The following NAALADL2 variants were observed in gnomAD, a reference collection of about 807,000 sequenced individuals.
NAALADL2 encodes the protein inactive N-acetylated-alpha-linked acidic dipeptidase-like protein 2.
In NAALADL2, 76 loss-of-function variants were observed where a neutral mutation model predicts 87.2. The ratio of observed to expected loss-of-function variants is 0.87; its 90% CI spans 0.72 to 1.05. The LOEUF (loss-of-function observed/expected upper bound fraction) is 1.05. NAALADL2 is among the 50% of genes least tolerant of loss of function. The pLI, the probability that NAALADL2 is intolerant of heterozygous loss-of-function variation, is 0.00. For synonymous variants in NAALADL2, 354 were observed against 331.0 expected, an observed-to-expected ratio of 1.07 and a Z score of -0.75; for missense variants, 1,089 against 945.8, an observed-to-expected ratio of 1.15 and a Z score of -1.99.
intron 3 of NAALADL2, among the ~76,000 whole-genome samples, chr3:174,807,343 C>A (rs374857233): frequency 9.9e-5 from 15 of 152,070 alleles, no homozygotes; most frequent in African/African-American, 3.6e-4. Flanking sequence ...GTAGGACTTA[C>A]ATTTGTTAGT....
chr3:175,589,128 A>C (rs1204552516), intron 10 of NAALADL2, among the ~76,000 whole-genome samples: 1 of 152,194 alleles, frequency 6.6e-6, no homozygotes, highest in Non-Finnish European at 1.5e-5. Flanking sequence ...AGTAGAAAGA[A>C]AGAAGGGAGT....
intron 4 of NAALADL2, among the ~76,000 whole-genome samples, chr3:175,260,394 T>C (rs1424407203): frequency 1.3e-5 from 2 of 152,180 alleles, no homozygotes; most frequent in Non-Finnish European, 2.9e-5. Flanking sequence ...ATCTCTTCTG[T>C]TTTCTGTGGA....
intron 11 of NAALADL2, among the ~76,000 whole-genome samples, chr3:175,632,711 G>A (rs1378787946): frequency 1.3e-5 from 2 of 151,962 alleles, no homozygotes; most frequent in East Asian, 3.9e-4. Flanking sequence ...GGCTAGTTTG[G>A]AGAAAGCGAT....
intron 1 of NAALADL2, among the ~76,000 whole-genome samples, chr3:175,074,986 TAGAG>T (rs1716335281): frequency 6.6e-6 from 1 of 151,976 alleles, no homozygotes; most frequent in Admixed American, 6.6e-5. Context: ...AAATAGGTGT[TAGAG>T]AGATACGTAA....
chr3:174,884,326 G>A (rs1257548436), intron 1 of NAALADL2, among the ~76,000 whole-genome samples: 1 of 152,150 alleles, frequency 6.6e-6, no homozygotes, highest in African/African-American at 2.4e-5. Context: ...AGAACTTTGT[G>A]TCCCAGCCCT....
At chr3:175,071,588 A>T (rs1715651053) in intron 1 of NAALADL2, among the ~76,000 whole-genome samples, 1 of 152,032 alleles carries the variant, frequency 6.6e-6, no homozygotes, top group African/African-American at 2.4e-5. Flanking sequence ...CATGCTGAAC[A>T]TGCTTGATAA....
intron 9 of NAALADL2, among the ~76,000 whole-genome samples, chr3:175,526,006 T>C (rs556259052): frequency 9.8e-5 from 15 of 152,304 alleles, no homozygotes; most frequent in Non-Finnish European, 1.6e-4. Flanking sequence ...TTATCAGAAC[T>C]GTGTGATACA....
rs539510299 is a variant in NAALADL2 at position 175,488,957 on chromosome 3, T to A, written c.1653+17199T>A. Among the ~76,000 whole-genome samples, 756 of 152,234 alleles carry A rather than the reference T, an allele frequency of 5.0e-3. 4 individuals are homozygous for A. The highest frequency in any genetic ancestry group is 8.7e-3 in the Non-Finnish European group (589 of 67,994). On this transcript the variant is annotated intron_variant, in intron 9 of 13. Transcript: ENST00000454872. Reference sequence around the variant, plus strand: ...ATGAGCATGAAATGGCTGATGGATTTCCCTGTGGATGGCAGCCATGGCAGC... The same window carrying A: ...ATGAGCATGAAATGGCTGATGGATTACCCTGTGGATGGCAGCCATGGCAGC...
At chr3:174,854,293 T>C (rs977462286) in intron 3 of NAALADL2, among the ~76,000 whole-genome samples, 2 of 152,154 alleles carry the variant, frequency 1.3e-5, no homozygotes, top group African/African-American at 4.8e-5. Flanking sequence ...AAGATAAATA[T>C]TGCATGTTCT....
chr3:175,779,143 G>C (rs1750667456), intron 13 of NAALADL2, among the ~76,000 whole-genome samples: 1 of 152,168 alleles, frequency 6.6e-6, no homozygotes, highest in African/African-American at 2.4e-5. Context: ...TATTTGTGTA[G>C]ATTTTTGTCA....
intron 13 of NAALADL2, among the ~76,000 whole-genome samples, chr3:175,792,432 T>C (rs1752908950): frequency 6.6e-6 from 1 of 152,192 alleles, no homozygotes; most frequent in Admixed American, 6.5e-5. Context: ...CTTTTCATTC[T>C]AGCTAAAATT....
intron 1 of NAALADL2, among the ~76,000 whole-genome samples, chr3:174,454,648 A>G (rs796535204): frequency 9.8e-5 from 15 of 152,346 alleles, no homozygotes; most frequent in African/African-American, 3.6e-4. Flanking sequence ...TTTTGTGTCA[A>G]TAATGAAATT....
intron 2 of NAALADL2, among the ~76,000 whole-genome samples, chr3:174,664,472 T>G (rs1434583474): frequency 6.6e-6 from 1 of 152,186 alleles, no homozygotes; most frequent in African/African-American, 2.4e-5. Context: ...AATAAGCAAT[T>G]AATGACTTTT....
intron 1 of NAALADL2, among the ~76,000 whole-genome samples, chr3:174,913,477 G>T (rs891268270): frequency 2.0e-5 from 3 of 152,110 alleles, no homozygotes; most frequent in Admixed American, 6.5e-5. Context: ...TGATTAATGA[G>T]TAACATGCAT....
intron 1 of NAALADL2, among the ~76,000 whole-genome samples, chr3:174,862,319 G>A (rs138575443): frequency 9.3e-4 from 142 of 152,138 alleles, no homozygotes; most frequent in African/African-American, 3.2e-3. Flanking sequence ...GGAGGGACAT[G>A]GCTGGGAGAT....
chr3:175,221,064 T>G (rs1278527659), intron 2 of NAALADL2, among the ~76,000 whole-genome samples: 1 of 151,996 alleles, frequency 6.6e-6, no homozygotes, highest in Non-Finnish European at 1.5e-5. Flanking sequence ...CCAGCCATGA[T>G]GGCGAGTGCC....
intron 4 of NAALADL2, among the ~76,000 whole-genome samples, chr3:175,293,896 G>A (rs1755978435): frequency 1.3e-5 from 2 of 152,150 alleles, no homozygotes; most frequent in Non-Finnish European, 2.9e-5. Flanking sequence ...AGGTTTGATA[G>A]ATCAAAGTGA....
intron 4 of NAALADL2, among the ~76,000 whole-genome samples, chr3:175,321,167 C>T (rs1437315717): frequency 6.8e-6 from 1 of 147,260 alleles, no homozygotes; most frequent in Admixed American, 6.9e-5. Flanking sequence ...CCCTGGGATG[C>T]AAGGCTGGTT....
intron 5 of NAALADL2, among the ~76,000 whole-genome samples, chr3:175,413,770 C>T (rs1714071479): frequency 6.6e-6 from 1 of 151,570 alleles, no homozygotes; most frequent in Non-Finnish European, 1.5e-5. Flanking sequence ...CGATTTAAAA[C>T]ATAGGGAGAA....
Sources: allele counts gnomAD v4.1 joint callset (sites outside exome capture counted in the v4.1 genomes callset), GRCh38; gene constraint gnomAD v4.1.1; transcripts MANE v1.5; gene names NCBI Gene and HGNC (gene_info 2026-07-23, HGNC 2026-07-21).